Variants in SNX29 observed in about 807,000 individuals in gnomAD.
The protein encoded by SNX29 is sorting nexin 29.
A neutral mutation model predicts 102.1 loss-of-function variants in SNX29; 78 were observed. That is an observed-to-expected ratio of 0.76 (90% confidence interval 0.64 to 0.92). The LOEUF (loss-of-function observed/expected upper bound fraction) is 0.92. Among genes scored for constraint, SNX29 ranks in the 40% least tolerant of loss-of-function variants. SNX29 has a pLI of 0.00. For synonymous variants in SNX29, 580 were observed against 414.5 expected (o/e 1.40, Z -4.85); for missense variants, 1,280 against 1,061.7 (o/e 1.21, Z -2.86).
intron 13 of SNX29, among the ~76,000 whole-genome samples, chr16:12,142,150 T>A (rs559180990): frequency 6.6e-6 from 1 of 152,210 alleles, no homozygotes; most frequent in Non-Finnish European, 1.5e-5. Flanking sequence ...GTTGCCCCGA[T>A]CTTTTTGAGT....
intron 6 of SNX29, among the ~76,000 whole-genome samples, chr16:12,047,781 C>T (rs566986066): frequency 2.2e-4 from 34 of 151,902 alleles, no homozygotes; most frequent in African/African-American, 8.2e-4. Flanking sequence ...CTGCAGCCTC[C>T]CGAGTAGCTG....
rs3803603 is a variant in SNX29, at chr16:12,571,318, T to C, written c.*2689T>C. On this transcript the variant is annotated 3_prime_UTR_variant, in exon 21 of 21. Coordinates refer to ENST00000566228, the MANE Select transcript of SNX29 (RefSeq NM_032167.5). ...ACACCCTGGAAATGTGTCAACTGCCTGTCAGCCTGGATTCAATTCTGAGGG... is the reference window on the plus strand; with the variant it reads ...ACACCCTGGAAATGTGTCAACTGCCCGTCAGCCTGGATTCAATTCTGAGGG... 223,683 of 231,892 alleles carry C rather than the reference T, an allele frequency of 0.96. 108,061 individuals carry two copies. The highest frequency in any genetic ancestry group is 0.98 in the Non-Finnish European group (115,151 of 117,260). 14.4% of individuals were successfully genotyped at this position (231,892 alleles called of 1,614,324 possible). A position where few individuals can be genotyped will look rare whatever the true frequency, so the allele number is the denominator to read the frequency against.
At chr16:12,175,060 G>T (rs1156601856) in intron 13 of SNX29, among the ~76,000 whole-genome samples, 1 of 152,208 alleles carries the variant, frequency 6.6e-6, no homozygotes, top group African/African-American at 2.4e-5. Flanking sequence ...CTTCTAAAGG[G>T]AGATTGACTT....
At chr16:12,164,469 C>A (rs368544631) in intron 13 of SNX29, among the ~76,000 whole-genome samples, 1 of 152,006 alleles carries the variant, frequency 6.6e-6, no homozygotes, top group Non-Finnish European at 1.5e-5. Flanking sequence ...ACATTTTTGC[C>A]CCTGGCCTAG....
intron 11 of SNX29, among the ~76,000 whole-genome samples, chr16:12,085,518 G>C (rs2052127839): frequency 6.6e-6 from 1 of 152,140 alleles, no homozygotes; most frequent in Non-Finnish European, 1.5e-5. Context: ...GTAGAGGTGG[G>C]GTTTTGCCAT....
intron 8 of SNX29, among the ~76,000 whole-genome samples, chr16:12,059,920 G>T (rs2050699730): frequency 6.6e-6 from 1 of 152,144 alleles, no homozygotes; most frequent in Non-Finnish European, 1.5e-5. Context: ...GATGGCCTTG[G>T]ACAAGCCACA....
intron 19 of SNX29, among the ~76,000 whole-genome samples, chr16:12,490,057 C>G (rs1483706283): frequency 6.6e-6 from 1 of 152,190 alleles, no homozygotes. Flanking sequence ...CTGCCCACCT[C>G]AGCCTCCCAA....
intron 13 of SNX29, among the ~76,000 whole-genome samples, chr16:12,167,627 A>G (rs2141717592): frequency 6.6e-6 from 1 of 152,284 alleles, no homozygotes; most frequent in East Asian, 1.9e-4. Flanking sequence ...TTGAGTGTTT[A>G]GTGTGTTTCA....
At chr16:12,558,411 T>G (rs1457936078) in intron 20 of SNX29, among the ~76,000 whole-genome samples, 1 of 152,168 alleles carries the variant, frequency 6.6e-6, no homozygotes, top group Non-Finnish European at 1.5e-5. Context: ...AGCCTTGAAG[T>G]GGTGAAAGCT....
At chr16:12,307,809 G>A (rs1567421109) in intron 15 of SNX29, among the ~76,000 whole-genome samples, 1 of 152,156 alleles carries the variant, frequency 6.6e-6, no homozygotes. Context: ...CACCTCCATC[G>A]GTCAGCAAAG....
chr16:12,439,413 A>G (rs1163241091), intron 18 of SNX29, among the ~76,000 whole-genome samples: 1 of 152,212 alleles, frequency 6.6e-6, no homozygotes, highest in Admixed American at 6.5e-5. Flanking sequence ...TGTGATAAAG[A>G]CATACCAGAG....
intron 18 of SNX29, among the ~76,000 whole-genome samples, chr16:12,435,200 C>G (rs1027166947): frequency 6.6e-6 from 1 of 152,206 alleles, no homozygotes; most frequent in Non-Finnish European, 1.5e-5. Context: ...CCTCCCGTTT[C>G]CCTCTATTCC....
At chr16:12,318,556 C>T (rs927540800) in intron 15 of SNX29, among the ~76,000 whole-genome samples, 1 of 152,126 alleles carries the variant, frequency 6.6e-6, no homozygotes, top group Middle Eastern at 3.2e-3. Flanking sequence ...AGAACCAGGA[C>T]AGTAGTCAGG....
chr16:12,135,413 C>T, intron 13 of SNX29: 1 of 853,110 alleles, frequency 1.2e-6, no homozygotes, highest in Non-Finnish European at 1.7e-6. Flanking sequence ...GGCAGCCCAC[C>T]CAGGCCTGGA....
chr16:12,248,575 A>T (rs953560545), intron 14 of SNX29, among the ~76,000 whole-genome samples: 1 of 151,626 alleles, frequency 6.6e-6, no homozygotes, highest in African/African-American at 2.4e-5. Context: ...TTTTTAGTAG[A>T]GTAGTAGTTT....
intron 18 of SNX29, among the ~76,000 whole-genome samples, chr16:12,423,694 C>A (rs1055672722): frequency 5.3e-5 from 8 of 152,098 alleles, no homozygotes; most frequent in Non-Finnish European, 8.8e-5. Flanking sequence ...TCTCAGCCTC[C>A]CGAATAGCTG....
chr16:12,163,569 T>C lies in SNX29; in HGVS notation c.1595+33811T>C, dbSNP rs191877677. On this transcript the variant is annotated intron_variant, in intron 13 of 20. Transcript: ENST00000566228. ...TCACATGGTTAGAGAGGCGTTTCCA[T>C]TGAGAGCAGTGTGGAGAGTCATGGA... Among the ~76,000 whole-genome samples the C allele has an allele frequency of 2.5e-3, 387 of 152,198 alleles. 3 individuals are homozygous for C. Among genetic ancestry groups the C allele is most frequent in the Middle Eastern group, 6.8e-3 (2 of 292 alleles).
At chr16:12,038,374 G>A (rs912198835) in intron 4 of SNX29, among the ~76,000 whole-genome samples, 4 of 152,184 alleles carry the variant, frequency 2.6e-5, no homozygotes, top group Non-Finnish European at 4.4e-5. Context: ...GGTGCTGTTA[G>A]TGTCCTCTGT....
chr16:12,572,182 A>C lies in SNX29; in HGVS notation c.*3553A>C, dbSNP rs947776751. ...TTTTGATAACCATGTAATTTCTTAGAACCATGGCAGGTAGTATTGTGCTTT... is the reference window on the plus strand; with the variant it reads ...TTTTGATAACCATGTAATTTCTTAGCACCATGGCAGGTAGTATTGTGCTTT... On this transcript the variant is annotated 3_prime_UTR_variant, in exon 21 of 21. Transcript: ENST00000566228. 8.9e-5 allele frequency: 87 copies of C among 972,114 alleles called. No homozygotes were observed. The highest frequency in any genetic ancestry group is 4.5e-4 in the Middle Eastern group (1 of 2,236). The allele number at this position is 972,114 out of a possible 1,614,324, so 60.2% of individuals were successfully genotyped here.
Sources: gnomAD v4.1 joint callset for allele counts (sites outside exome capture counted in the v4.1 genomes callset) on GRCh38, gnomAD v4.1.1 for gene constraint, MANE v1.5 for transcripts, NCBI Gene and HGNC (gene_info 2026-07-23, HGNC 2026-07-21) for gene names.